Variants in DPF3 observed in about 807,000 individuals in gnomAD.
The protein encoded by DPF3 is double PHD fingers 3.
Under a neutral mutation model 56.8 loss-of-function variants are expected in DPF3, and 18 were observed. The observed-to-expected ratio is 0.32, with a 90% CI of 0.22 to 0.47. The LOEUF (loss-of-function observed/expected upper bound fraction) is 0.47. Among genes scored for constraint, DPF3 ranks in the 20% least tolerant of loss-of-function variants. The pLI, the probability that DPF3 is intolerant of heterozygous loss-of-function variation, is 1.00. For missense variants in DPF3, 403 were observed against 488.8 expected (o/e 0.82, Z 1.65); for synonymous variants, 188 against 180.2 (o/e 1.04, Z -0.35).
At chr14:72,810,526 G>A (rs1161790266) in intron 1 of DPF3, among the ~76,000 whole-genome samples, 38 of 152,246 alleles carry the variant, frequency 2.5e-4, no homozygotes, top group Non-Finnish European at 4.4e-5. Context: ...AGAAGGGGGT[G>A]AAGAGTTAGA....
intron 1 of DPF3, among the ~76,000 whole-genome samples, chr14:72,826,257 T>G (rs1208093730): frequency 1.3e-5 from 2 of 152,228 alleles, no homozygotes; most frequent in South Asian, 2.1e-4. Flanking sequence ...CTGACTGCTG[T>G]CTGCCTGGCC....
chr14:72,733,239 G>T (rs1437075786), intron 3 of DPF3, among the ~76,000 whole-genome samples: 2 of 152,210 alleles, frequency 1.3e-5, no homozygotes, highest in Non-Finnish European at 1.5e-5. Context: ...ATTGCACCAG[G>T]TAAGCTGGGG....
chr14:72,773,895 T>C (rs1301120452), intron 1 of DPF3: 1 of 455,592 alleles, frequency 2.2e-6, no homozygotes, highest in Non-Finnish European at 4.4e-6. Context: ...ATTTTGCTTA[T>C]CCATTCATCT....
Position 72,619,229 on chromosome 14 carries a change from C to T in DPF3, c.*68G>A, listed in dbSNP as rs991670644. 11 of 1,464,104 alleles carry T rather than the reference C, an allele frequency of 7.5e-6. No individual in the cohort carries two copies. The highest frequency in any genetic ancestry group is 1.0e-5 in the Non-Finnish European group (11 of 1,088,054). The allele number at this position is 1,464,104 out of a possible 1,614,324, so 90.7% of individuals were successfully genotyped here. On this transcript the variant is annotated 3_prime_UTR_variant, in exon 11 of 11. Coordinates refer to ENST00000556509, the MANE Select transcript of DPF3 (RefSeq NM_001280542.3). ...TGGCTGGATATGTGGGAGGAGGGCG[C>T]GTTCTGGTTTGAACTGGGCTCTGCT...
intron 1 of DPF3, chr14:72,892,650 G>C: frequency 9.2e-7 from 1 of 1,088,542 alleles, no homozygotes; most frequent in South Asian, 4.0e-5. Context: ...AGACGAGAAT[G>C]CGCTGAATTA....
chr14:72,725,768 G>A (rs574469436), intron 4 of DPF3, among the ~76,000 whole-genome samples: 30 of 152,204 alleles, frequency 2.0e-4, no homozygotes, highest in African/African-American at 5.8e-4. Context: ...CAGGAAGCCC[G>A]GGGTGAGCCA....
In DPF3 at chr14:72,866,248, G is replaced by GGGATTACAGGTGTAACAGCT. The variant is rs1343320917; in HGVS notation, c.32+27808_32+27809insAGCTGTTACACCTGTAATCC. The stretch of plus-strand genomic sequence containing the variant: ...CCACAGACTGAGGTCACCTCAGTCT[G>GGGATTACAGGTGTAACAGCT]TTCCTGCCACAGCCTCCACGCACAA... On this transcript the variant is annotated intron_variant, in intron 1 of 10. Coordinates refer to ENST00000556509, the MANE Select transcript of DPF3 (RefSeq NM_001280542.3). Among the ~76,000 whole-genome samples, 35 of 138,294 alleles carry GGGATTACAGGTGTAACAGCT rather than the reference G, an allele frequency of 2.5e-4. 1 individual carries two copies. The highest frequency in any genetic ancestry group is 4.1e-4 in the Non-Finnish European group (24 of 58,688). 90.7% of individuals were successfully genotyped at this position (138,294 alleles called of 152,430 possible).
chr14:72,811,675 T>C (rs1005063140), intron 1 of DPF3, among the ~76,000 whole-genome samples: 5 of 152,132 alleles, frequency 3.3e-5, no homozygotes, highest in South Asian at 2.1e-4. Flanking sequence ...AAACCAGACA[T>C]GATAGAGGAA....
intron 6 of DPF3, 149 bp from the exon 7 acceptor site, chr14:72,693,362 C>A: frequency 2.1e-6 from 2 of 936,980 alleles, no homozygotes; most frequent in South Asian, 1.8e-5. Flanking sequence ...ATCCCTTTCC[C>A]CCACCCAACA....
intron 1 of DPF3, among the ~76,000 whole-genome samples, chr14:72,790,051 A>G (rs1892365119): frequency 6.6e-6 from 1 of 152,028 alleles, no homozygotes; most frequent in Non-Finnish European, 1.5e-5. Flanking sequence ...CAGGAGTTCA[A>G]GACCAGCCTG....
intron 8 of DPF3, among the ~76,000 whole-genome samples, chr14:72,640,341 G>A (rs77626081): frequency 1.3e-5 from 2 of 152,284 alleles, no homozygotes; most frequent in East Asian, 3.9e-4. Context: ...AGATGAGTCT[G>A]GTGATAGGTC....
intron 7 of DPF3, among the ~76,000 whole-genome samples, chr14:72,678,854 G>T (rs975940665): frequency 1.3e-4 from 20 of 152,044 alleles, no homozygotes; most frequent in Admixed American, 3.9e-4. Flanking sequence ...AGCCTTAAGA[G>T]TTTAGAAATC....
intron 8 of DPF3, among the ~76,000 whole-genome samples, chr14:72,654,246 C>G (rs1201983134): frequency 6.6e-6 from 1 of 152,036 alleles, no homozygotes; most frequent in Non-Finnish European, 1.5e-5. Context: ...GCTCGGGCTC[C>G]AAGCCTCCTG....
chr14:72,790,887 C>A (rs1004799619), intron 1 of DPF3, among the ~76,000 whole-genome samples: 1 of 152,184 alleles, frequency 6.6e-6, no homozygotes, highest in African/African-American at 2.4e-5. Context: ...TCTCTCTCTG[C>A]CATTCTTTTC....
At chr14:72,720,803 T>C (rs1195187330) in intron 5 of DPF3, among the ~76,000 whole-genome samples, 1 of 152,056 alleles carries the variant, frequency 6.6e-6, no homozygotes, top group Non-Finnish European at 1.5e-5. Context: ...TACCAGCTTG[T>C]GGAAATGAAA....
At chr14:72,720,479 A>T (rs535430871) in intron 5 of DPF3, among the ~76,000 whole-genome samples, 16 of 152,330 alleles carry the variant, frequency 1.1e-4, no homozygotes, top group Admixed American at 2.6e-4. Flanking sequence ...TGTCCACAGT[A>T]TCACTGTACA....
intron 3 of DPF3, among the ~76,000 whole-genome samples, chr14:72,732,920 TTCTC>T (rs943259106): frequency 7.9e-5 from 12 of 151,240 alleles, no homozygotes; most frequent in South Asian, 4.2e-4. Flanking sequence ...CTTTCTTTCT[TTCTC>T]TCTCTCTCTC....
At chr14:72,639,188 T>C (rs1318996549) in intron 8 of DPF3, among the ~76,000 whole-genome samples, 2 of 152,186 alleles carry the variant, frequency 1.3e-5, no homozygotes, top group Admixed American at 6.5e-5. Flanking sequence ...CAGATTCTCA[T>C]AGAAAAATAA....
rs926843884 is a variant in DPF3 at position 72,616,515 on chromosome 14, C to A, written c.*2782G>T. On this transcript the variant is annotated 3_prime_UTR_variant, in exon 11 of 11. Transcript: ENST00000556509. Reference sequence around the variant, plus strand: ...ACATTGGCTAATGCACACAAGAAGGCGGACATGGAAAACATCCGGAGTTCT... The same window carrying A: ...ACATTGGCTAATGCACACAAGAAGGAGGACATGGAAAACATCCGGAGTTCT... Among the ~76,000 whole-genome samples, 2 of 152,130 alleles carry A rather than the reference C, an allele frequency of 1.3e-5. No homozygotes were observed. Among genetic ancestry groups the A allele is most frequent in the Non-Finnish European group, 2.9e-5 (2 of 68,034 alleles).
Sources: gnomAD v4.1 joint callset for allele counts (sites outside exome capture counted in the v4.1 genomes callset) on GRCh38, gnomAD v4.1.1 for gene constraint, MANE v1.5 for transcripts, NCBI Gene and HGNC (gene_info 2026-07-23, HGNC 2026-07-21) for gene names.